The following RAD1 variants were observed in gnomAD, a reference collection of about 807,000 sequenced individuals.
RAD1 encodes RAD1 checkpoint DNA exonuclease, also known as cell cycle checkpoint protein RAD1.
Under a neutral mutation model 30.0 loss-of-function variants are expected in RAD1, and 21 were observed. That is an observed-to-expected ratio of 0.70 (90% confidence interval 0.50 to 1.01). RAD1 has a LOEUF of 1.01. Among genes scored for constraint, RAD1 ranks in the 50% least tolerant of loss-of-function variants. The pLI is 0.00. For missense variants in RAD1, 329 were observed against 329.0 expected (o/e 1.00, Z 0.00); for synonymous variants, 109 against 113.6 (o/e 0.96, Z 0.26).
intron 2 of RAD1, chr5:34,913,853 G>C: frequency 2.1e-6 from 1 of 480,922 alleles, no homozygotes; most frequent in South Asian, 1.8e-5. Context: ...CGAATGACTT[G>C]ATAATGCATG....
At chr5:34,913,708 A>C (rs1763925493) in intron 2 of RAD1, 130 bp from the exon 3 acceptor site, 1 of 619,626 alleles carries the variant, frequency 1.6e-6, no homozygotes, top group Non-Finnish European at 2.8e-6. Flanking sequence ...ATTTCTGATT[A>C]GCAATCAAAA....
intron 2 of RAD1, 35 bp from the exon 3 acceptor site, chr5:34,913,613 AAAG>A (rs751118554): frequency 1.7e-5 from 22 of 1,322,356 alleles, no homozygotes; most frequent in Non-Finnish European, 2.2e-5. Context: ...TTGTTACATA[AAAG>A]AATAAAAACT....
intron 3 of RAD1, 54 bp from the exon 4 acceptor site, chr5:34,911,866 T>C: frequency 6.4e-7 from 1 of 1,568,264 alleles, no homozygotes; most frequent in South Asian, 1.2e-5. Flanking sequence ...TGGGTTCAGC[T>C]TCTCCTCGAA....
chr5:34,913,529 C>A lies in RAD1; in HGVS notation c.248G>T (p.Arg83Leu). 6.2e-7 allele frequency: 1 copy of A among 1,604,552 alleles called. No homozygotes were observed. Among genetic ancestry groups the A allele is most frequent in the Non-Finnish European group, 8.5e-7 (1 of 1,174,974 alleles). ...FKVQEESVTFRINLTVLLDCL... is the reference protein window; with the variant it reads ...FKVQEESVTFLINLTVLLDCL... ...GTCTAAAAGGACAGTTAAATTAATT[C>A]GAAAAGTAACAGACTCTTCCTGAAC... is the stretch of plus-strand genomic sequence containing the variant. The change falls in exon 3 of 6, where the codon CGA (arginine) becomes CTA (leucine). Residue 83 changes from arginine (R) to leucine (L), a missense_variant. Arg to Leu is a moderately radical substitution (Grantham distance 102). Coordinates refer to ENST00000382038, the MANE Select transcript of RAD1 (RefSeq NM_002853.4).
chr5:34,912,751 G>A (rs1302622905), intron 3 of RAD1, among the ~76,000 whole-genome samples: 1 of 152,122 alleles, frequency 6.6e-6, no homozygotes, highest in Admixed American at 6.6e-5. Flanking sequence ...TGTAATCCCA[G>A]AACTTAGAGA....
At chr5:34,915,212 G>C (rs940282420) in intron 1 of RAD1, among the ~76,000 whole-genome samples, 3 of 152,226 alleles carry the variant, frequency 2.0e-5, no homozygotes, top group Non-Finnish European at 4.4e-5. Context: ...GTATCTCCCG[G>C]CCAAACAGGA....
chr5:34,908,997 C>A, intron 5 of RAD1, 49 bp from the exon 6 acceptor site: 1 of 1,436,788 alleles, frequency 7.0e-7, no homozygotes, highest in South Asian at 1.2e-5. Context: ...GTGAACACTG[C>A]TCAGAACTCC....
intron 2 of RAD1, chr5:34,914,483 G>C: frequency 1.7e-6 from 1 of 575,908 alleles, no homozygotes; most frequent in Non-Finnish European, 3.0e-6. Flanking sequence ...AACAAGATGG[G>C]AAAAGAATTT....
rs1580505534 is a variant in RAD1, at chr5:34,908,824, T to C, written c.790A>G (p.Ile264Val). The change falls in exon 6 of 6, where the codon ATA (isoleucine) becomes GTA (valine). Residue 264 changes from isoleucine to valine, a missense_variant. Physicochemically the swap from Ile to Val is conservative, Grantham distance 29. Coordinates refer to ENST00000382038, the MANE Select transcript of RAD1 (RefSeq NM_002853.4). ...CAGCAGTAATATTCCACAAAACATA[T>C]TTGTCCATCTTCATTTCTAATCATA... ...QYMIRNEDGQICFVEYYCCPD... is the reference protein window; with the variant it reads ...QYMIRNEDGQVCFVEYYCCPD... The C allele has an allele frequency of 1.6e-5, 26 of 1,612,910 alleles. No homozygotes were observed. In the Middle Eastern group the frequency reaches 2.2e-3, roughly 140 times the overall value.
intron 2 of RAD1, chr5:34,914,405 G>C: frequency 2.6e-6 from 1 of 386,052 alleles, no homozygotes; most frequent in Non-Finnish European, 4.7e-6. Flanking sequence ...TAAACAATAA[G>C]AAGACTGTAG....
rs978642193 is a variant in RAD1 at position 34,907,864 on chromosome 5, C to T, written c.*901G>A. 1.3e-5 allele frequency: 2 copies of T among 152,118 alleles called. No individual in the cohort carries two copies. The highest frequency in any genetic ancestry group is 4.8e-5 in the African/African-American group (2 of 41,410). The allele number at this position is 152,118 out of a possible 1,614,324, so 9.4% of individuals were successfully genotyped here. ...CACATGTAAAAGCAATCATCTCATA[C>T]AATTAAATGCTATTAAAGAAAAAAA... On this transcript the variant is annotated 3_prime_UTR_variant, in exon 6 of 6. Coordinates refer to ENST00000382038, the MANE Select transcript of RAD1 (RefSeq NM_002853.4).
intron 1 of RAD1, among the ~76,000 whole-genome samples, 152 bp from the exon 2 acceptor site, chr5:34,915,113 G>A (rs780321264): frequency 6.6e-6 from 1 of 152,210 alleles, no homozygotes; most frequent in African/African-American, 2.4e-5. Context: ...TAATTCTGGA[G>A]GAAAATTATC....
At position 34,914,919 on chromosome 5, in the gene RAD1, G is replaced by A; in HGVS notation, c.-27C>T. On this transcript the variant is annotated 5_prime_UTR_variant, in exon 2 of 6. Coordinates refer to ENST00000382038, the MANE Select transcript of RAD1 (RefSeq NM_002853.4). Reference sequence around the variant, plus strand: ...GTCCACTGCGCATTCGGCCCCGAGGGATGCTCCTGGGGCCAACAACTTCTC... The same window carrying A: ...GTCCACTGCGCATTCGGCCCCGAGGAATGCTCCTGGGGCCAACAACTTCTC... 6.2e-7 allele frequency: 1 copy of A among 1,613,012 alleles called. No individual in the cohort carries two copies. The highest frequency in any genetic ancestry group is 8.5e-7 in the Non-Finnish European group (1 of 1,179,528).
intron 4 of RAD1, 73 bp from the exon 5 acceptor site, chr5:34,909,429 A>C: frequency 9.5e-7 from 1 of 1,054,974 alleles, no homozygotes; most frequent in East Asian, 2.4e-5. Flanking sequence ...TAAAGAAAAC[A>C]CTTCCTTAAG....
intron 2 of RAD1, chr5:34,914,126 A>G: frequency 2.6e-6 from 1 of 379,570 alleles, no homozygotes; most frequent in Non-Finnish European, 5.4e-6. Flanking sequence ...TTGCAATCCT[A>G]TCTGAACCAC....
chr5:34,909,261 T>C lies in RAD1; in HGVS notation c.662A>G (p.Asn221Ser), dbSNP rs776341107. 3 of 1,599,306 alleles carry C rather than the reference T, an allele frequency of 1.9e-6. No homozygotes were observed. The highest frequency in any genetic ancestry group is 1.1e-5 in the South Asian group (1 of 90,234). ...EAFHCNQTQV[N>S]RYKISLLKPS... ...AACCTCTATATTAAGAACTGACCTGTTGACTTGGGTCTGATTACAATGAAA... is the reference window on the plus strand; with the variant it reads ...AACCTCTATATTAAGAACTGACCTGCTGACTTGGGTCTGATTACAATGAAA... The change falls in exon 5 of 6, where the codon AAC becomes AGC. Residue 221 changes from asparagine to serine, a missense_variant. Coordinates refer to ENST00000382038, the MANE Select transcript of RAD1 (RefSeq NM_002853.4).
chr5:34,911,123 T>C (rs989184163), intron 4 of RAD1, among the ~76,000 whole-genome samples: 7 of 152,212 alleles, frequency 4.6e-5, no homozygotes, highest in African/African-American at 1.7e-4. Context: ...AAGCACACGG[T>C]AGGTGATCAA....
rs1561169688 is a variant in RAD1, at chr5:34,913,611, TAAAAG to T, written c.199-38_199-34del. The T allele has an allele frequency of 3.0e-6, 4 of 1,328,944 alleles. No individual in the cohort carries two copies. The Admixed American group carries it at 8.4e-5, about 28-fold the overall frequency. The allele number at this position is 1,328,944 out of a possible 1,614,324, so 82.3% of individuals were successfully genotyped here. On this transcript the variant is annotated intron_variant, in intron 2 of 5. Coordinates refer to ENST00000382038, the MANE Select transcript of RAD1 (RefSeq NM_002853.4). ...AAGAGTAAAAATGAAAATTGTTACA[TAAAAG>T]AATAAAAACTAATAATATAAGGTCC...
At chr5:34,913,201 G>A (rs922418714) in intron 3 of RAD1, among the ~76,000 whole-genome samples, 1 of 152,032 alleles carries the variant, frequency 6.6e-6, no homozygotes, top group African/African-American at 2.4e-5. Flanking sequence ...TTTAAGACAT[G>A]TCCAAAGTAT....
Sources: allele counts gnomAD v4.1 joint callset (sites outside exome capture counted in the v4.1 genomes callset), GRCh38; gene constraint gnomAD v4.1.1; transcripts MANE v1.5; gene names NCBI Gene and HGNC (gene_info 2026-07-23, HGNC 2026-07-21).